The following SLC24A3 variants were observed in gnomAD, a reference collection of about 807,000 sequenced individuals.
SLC24A3 encodes the protein sodium/potassium/calcium exchanger 3.
In SLC24A3, 28 loss-of-function variants were observed where a neutral mutation model predicts 75.8. The ratio of observed to expected loss-of-function variants is 0.37; its 90% CI spans 0.27 to 0.51. The LOEUF (loss-of-function observed/expected upper bound fraction) is 0.51, where lower values mean the gene tolerates loss of function less well. SLC24A3 is among the 20% of genes least tolerant of loss of function. The pLI is 0.94. For missense variants in SLC24A3, 663 were observed against 847.8 expected, an observed-to-expected ratio of 0.78 and a Z score of 2.71; for synonymous variants, 372 against 334.1, an observed-to-expected ratio of 1.11 and a Z score of -1.24.
At chr20:19,540,152 A>T (rs1319077282) in intron 3 of SLC24A3, among the ~76,000 whole-genome samples, 1 of 152,194 alleles carries the variant, frequency 6.6e-6, no homozygotes, top group Admixed American at 6.5e-5. Context: ...CCTTCGGTTC[A>T]AAGTACTCAG....
At chr20:19,672,281 C>T (rs2032478076) in intron 8 of SLC24A3, among the ~76,000 whole-genome samples, 1 of 152,156 alleles carries the variant, frequency 6.6e-6, no homozygotes, top group South Asian at 2.1e-4. Flanking sequence ...TTTCCTCTCT[C>T]AATAGTGCAT....
chr20:19,487,224 A>T (rs1320257272), intron 2 of SLC24A3, among the ~76,000 whole-genome samples: 2 of 152,154 alleles, frequency 1.3e-5, no homozygotes, highest in African/African-American at 4.8e-5. Flanking sequence ...AATTGAATTA[A>T]ATGCCCTGTA....
At chr20:19,231,683 C>G in intron 1 of SLC24A3, among the ~76,000 whole-genome samples, 1 of 152,166 alleles carries the variant, frequency 6.6e-6, no homozygotes. Flanking sequence ...ATTCTGACTT[C>G]CAGAACTGTA....
intron 6 of SLC24A3, among the ~76,000 whole-genome samples, chr20:19,649,444 G>A (rs1308861514): frequency 1.3e-5 from 2 of 152,178 alleles, no homozygotes; most frequent in Admixed American, 1.3e-4. Flanking sequence ...CTCCCTCCTA[G>A]AATATATCCA....
At chr20:19,607,607 A>T (rs190631376) in intron 6 of SLC24A3, among the ~76,000 whole-genome samples, 28 of 152,296 alleles carry the variant, frequency 1.8e-4, no homozygotes, top group Admixed American at 1.3e-3. Context: ...CCTCAGCTTC[A>T]TGGCCGACTG....
intron 3 of SLC24A3, among the ~76,000 whole-genome samples, chr20:19,539,999 G>A (rs1458820934): frequency 1.3e-5 from 2 of 152,134 alleles, no homozygotes; most frequent in Non-Finnish European, 2.9e-5. Flanking sequence ...TGACCTTTCG[G>A]AATTGTATGG....
At chr20:19,617,923 T>C (rs1256135449) in intron 6 of SLC24A3, among the ~76,000 whole-genome samples, 1 of 152,194 alleles carries the variant, frequency 6.6e-6, no homozygotes, top group African/African-American at 2.4e-5. Context: ...AGCCAGATCC[T>C]GGGGAGCTTA....
intron 3 of SLC24A3, among the ~76,000 whole-genome samples, chr20:19,566,236 G>C (rs1686956516): frequency 6.6e-6 from 1 of 152,238 alleles, no homozygotes; most frequent in Non-Finnish European, 1.5e-5. Context: ...TCAAAATCAA[G>C]AGATTGTATC....
chr20:19,235,710 T>C (rs1982146720), intron 1 of SLC24A3, among the ~76,000 whole-genome samples: 1 of 152,198 alleles, frequency 6.6e-6, no homozygotes, highest in South Asian at 2.1e-4. Flanking sequence ...GCGCATCACA[T>C]GGACTGAGCT....
At position 19,665,831 on chromosome 20, in the gene SLC24A3, G is replaced by C. The variant is rs866789230; in HGVS notation, c.688-33G>C. The C allele has an allele frequency of 1.0e-5, 14 of 1,404,780 alleles. No individual in the cohort carries two copies. The African/African-American group carries it at 1.2e-4, about 12-fold the overall frequency. 87.0% of individuals were successfully genotyped at this position (1,404,780 alleles called of 1,614,324 possible). ...TGTGTGTGTGTGTGTGTGTGTGTGT[G>C]TCTAATCTTCTATTCTTTTTATTTT... On this transcript the variant is annotated intron_variant, in intron 7 of 16. Transcript: ENST00000328041.
chr20:19,482,754 A>G (rs1490469292), intron 2 of SLC24A3, among the ~76,000 whole-genome samples: 1 of 152,218 alleles, frequency 6.6e-6, no homozygotes, highest in Non-Finnish European at 1.5e-5. Context: ...CTGGACAGTG[A>G]GAACCCTTCT....
intron 7 of SLC24A3, among the ~76,000 whole-genome samples, chr20:19,661,332 G>C (rs986622858): frequency 2.0e-5 from 3 of 152,110 alleles, no homozygotes; most frequent in African/African-American, 7.2e-5. Flanking sequence ...CCTGAAGTAG[G>C]AATTTCTGCT....
At chr20:19,299,870 A>C (rs1424125272) in intron 2 of SLC24A3, among the ~76,000 whole-genome samples, 1 of 152,200 alleles carries the variant, frequency 6.6e-6, no homozygotes, top group African/African-American at 2.4e-5. Context: ...TGTGAAATGG[A>C]ATTTGTATTT....
intron 2 of SLC24A3, among the ~76,000 whole-genome samples, chr20:19,306,568 A>T (rs1307936397): frequency 6.6e-6 from 1 of 152,192 alleles, no homozygotes; most frequent in Non-Finnish European, 1.5e-5. Flanking sequence ...AATGGAGCTG[A>T]AGGCCATGAT....
intron 3 of SLC24A3, among the ~76,000 whole-genome samples, chr20:19,575,024 T>G (rs959306047): frequency 5.9e-5 from 9 of 151,468 alleles, no homozygotes; most frequent in African/African-American, 2.2e-4. Flanking sequence ...CCCAAGTGGG[T>G]AGATCACTTG....
rs777099991 is a variant in SLC24A3 at position 19,641,083 on chromosome 20, ACTAT to A, written c.613-12976_613-12973del. ...TCTTGTGCATAAGATACAAAGTGAG[ACTAT>A]CTGACTTTTAGTGCCACACCATAAA... On this transcript the variant is annotated intron_variant, in intron 6 of 16. Transcript: ENST00000328041. Among the ~76,000 whole-genome samples, 5 of 152,230 alleles carry A rather than the reference ACTAT, an allele frequency of 3.3e-5. No homozygotes were observed. The East Asian group carries it at 9.6e-4, about 29-fold the overall frequency.
chr20:19,631,283 G>A (rs1277743624), intron 6 of SLC24A3, among the ~76,000 whole-genome samples: 1 of 152,178 alleles, frequency 6.6e-6, no homozygotes, highest in African/African-American at 2.4e-5. Context: ...GGAGATGGAG[G>A]TTGCAGTAAG....
At chr20:19,261,163 A>G (rs1201184623) in intron 1 of SLC24A3, among the ~76,000 whole-genome samples, 1 of 152,190 alleles carries the variant, frequency 6.6e-6, no homozygotes, top group Non-Finnish European at 1.5e-5. Context: ...ATGGGAATTT[A>G]TTCCAGAGAC....
chr20:19,670,167 G>T (rs1199889186), intron 8 of SLC24A3, among the ~76,000 whole-genome samples: 5 of 151,926 alleles, frequency 3.3e-5, no homozygotes, highest in African/African-American at 7.3e-5. Flanking sequence ...ACATGTAACT[G>T]TGGGACCACA....
Sources: gnomAD v4.1 joint callset for allele counts (sites outside exome capture counted in the v4.1 genomes callset) on GRCh38, gnomAD v4.1.1 for gene constraint, MANE v1.5 for transcripts, NCBI Gene and HGNC (gene_info 2026-07-23, HGNC 2026-07-21) for gene names.